Variants in CSNK2A2IP observed in about 807,000 individuals in gnomAD.
CSNK2A2IP encodes casein kinase II subunit alpha'-interacting protein.
the CSNK2A2IP span, chr3:88,467,038 C>T: frequency 9.2e-7 from 1 of 1,092,194 alleles, no homozygotes; most frequent in Admixed American, 4.3e-5. Flanking sequence ...GCAGTTTTTC[C>T]CCACATCTGA....
chr3:88,464,280 T>C, the CSNK2A2IP span, among the ~76,000 whole-genome samples: 1 of 151,276 alleles, frequency 6.6e-6, no homozygotes, highest in East Asian at 1.9e-4. Flanking sequence ...AACCTGCATG[T>C]TGTGCACATG....
At chr3:88,451,684 C>T in the CSNK2A2IP span, among the ~76,000 whole-genome samples, 3 of 150,604 alleles carry the variant, frequency 2.0e-5, no homozygotes, top group African/African-American at 7.3e-5. Flanking sequence ...TTCCTTCCAA[C>T]TGTGAGTTAA....
the CSNK2A2IP span, among the ~76,000 whole-genome samples, chr3:88,440,661 G>A: frequency 6.6e-6 from 1 of 152,084 alleles, no homozygotes; most frequent in African/African-American, 2.4e-5. Flanking sequence ...ATTAAACGTT[G>A]GAATTGTTTC....
At chr3:88,393,074 T>C in the CSNK2A2IP span, among the ~76,000 whole-genome samples, 1 of 152,216 alleles carries the variant, frequency 6.6e-6, no homozygotes, top group East Asian at 1.9e-4. Context: ...TATAGCTGTA[T>C]GTGACATGAT....
the CSNK2A2IP span, among the ~76,000 whole-genome samples, chr3:88,376,743 AC>A: frequency 2.6e-5 from 4 of 151,708 alleles, no homozygotes; most frequent in African/African-American, 9.7e-5. Context: ...AAGAGCCTCA[AC>A]ATTTGACCTT....
At chr3:88,393,704 C>T in the CSNK2A2IP span, among the ~76,000 whole-genome samples, 1 of 152,138 alleles carries the variant, frequency 6.6e-6, no homozygotes, top group Non-Finnish European at 1.5e-5. Context: ...TATGGTTAGA[C>T]AAGTGTGTAG....
the CSNK2A2IP span, among the ~76,000 whole-genome samples, chr3:88,423,689 T>A: frequency 6.6e-6 from 1 of 152,180 alleles, no homozygotes; most frequent in African/African-American, 2.4e-5. Context: ...GCACTCGTTG[T>A]TTCCTCTCCT....
the CSNK2A2IP span, among the ~76,000 whole-genome samples, chr3:88,416,632 T>G: frequency 9.8e-5 from 15 of 152,330 alleles, no homozygotes; most frequent in Admixed American, 3.3e-4. Context: ...CACGGAATCA[T>G]AGACATTTAT....
the CSNK2A2IP span, among the ~76,000 whole-genome samples, chr3:88,358,273 C>T: frequency 8.5e-6 from 1 of 117,670 alleles, no homozygotes; most frequent in Non-Finnish European, 2.1e-5. Flanking sequence ...AAAATCATAT[C>T]ATCTGCAAAG....
the CSNK2A2IP span, among the ~76,000 whole-genome samples, chr3:88,446,971 A>G: frequency 4.6e-5 from 7 of 152,350 alleles, 1 homozygote; most frequent in South Asian, 1.4e-3. Flanking sequence ...TCTCACACAC[A>G]GCACAAGTAA....
the CSNK2A2IP span, among the ~76,000 whole-genome samples, chr3:88,349,439 T>C: frequency 6.6e-6 from 1 of 152,146 alleles, no homozygotes. Flanking sequence ...TCCAGTTCCA[T>C]CCAAGTTTCT....
chr3:88,413,581 C>A, the CSNK2A2IP span, among the ~76,000 whole-genome samples: 2 of 151,772 alleles, frequency 1.3e-5, no homozygotes, highest in African/African-American at 4.9e-5. Context: ...TTCACGCCTA[C>A]TTTTGGAAGG....
the CSNK2A2IP span, among the ~76,000 whole-genome samples, chr3:88,389,569 C>T: frequency 2.0e-5 from 3 of 152,136 alleles, no homozygotes; most frequent in Non-Finnish European, 2.9e-5. Flanking sequence ...GAATATCTGA[C>T]ATAGTTTTAA....
the CSNK2A2IP span, among the ~76,000 whole-genome samples, chr3:88,403,825 A>G: frequency 2.0e-5 from 3 of 152,092 alleles, no homozygotes; most frequent in Admixed American, 2.0e-4. Context: ...TTTCATTTGG[A>G]GTTTCGTTAA....
chr3:88,370,848 T>G, the CSNK2A2IP span, among the ~76,000 whole-genome samples: 1 of 151,626 alleles, frequency 6.6e-6, no homozygotes, highest in African/African-American at 2.4e-5. Context: ...AAGTGGAGCC[T>G]TGATTTGATA....
chr3:88,434,243 T>C, the CSNK2A2IP span, among the ~76,000 whole-genome samples: 1 of 152,118 alleles, frequency 6.6e-6, no homozygotes, highest in African/African-American at 2.4e-5. Context: ...AAACTACCTG[T>C]CTAACAATAC....
chr3:88,383,365 G>C, the CSNK2A2IP span, among the ~76,000 whole-genome samples: 1 of 152,142 alleles, frequency 6.6e-6, no homozygotes, highest in East Asian at 1.9e-4. Flanking sequence ...ATCTTTCTGA[G>C]GTCAGAATTT....
the CSNK2A2IP span, among the ~76,000 whole-genome samples, chr3:88,453,970 T>G: frequency 6.6e-6 from 1 of 152,078 alleles, no homozygotes; most frequent in Non-Finnish European, 1.5e-5. Context: ...ATGGCTAGAT[T>G]ATGTGGTACA....
chr3:88,389,358 C>A, the CSNK2A2IP span, among the ~76,000 whole-genome samples: 1 of 152,226 alleles, frequency 6.6e-6, no homozygotes, highest in Admixed American at 6.5e-5. Flanking sequence ...TGTAAAAGCC[C>A]TAAGGCTGGA....
Sources: allele counts gnomAD v4.1 joint callset (sites outside exome capture counted in the v4.1 genomes callset), GRCh38; gene constraint gnomAD v4.1.1; transcripts MANE v1.5; gene names NCBI Gene and HGNC (gene_info 2026-07-23, HGNC 2026-07-21).